Variants in VCAN observed in about 807,000 individuals in gnomAD.
VCAN encodes versican core protein.
Under a neutral mutation model 245.5 loss-of-function variants are expected in VCAN, and 44 were observed. The ratio of observed to expected loss-of-function variants is 0.18; its 90% confidence interval spans 0.14 to 0.23. VCAN has a LOEUF of 0.23. Among genes scored for constraint, VCAN ranks in the 10% least tolerant of loss-of-function variants. The pLI is 1.00. For synonymous variants in VCAN, 1,413 were observed against 1,437.0 expected (o/e 0.98, Z 0.38); for missense variants, 3,793 against 4,057.9 (o/e 0.93, Z 1.77).
In VCAN at chr5:83,538,755, G is replaced by T. The variant is rs2112443135; in HGVS notation, c.5752G>T (p.Gly1918Trp). The change falls in exon 8 of 15, where the codon GGG becomes TGG. Residue 1918 changes from glycine (G) to tryptophan (W), a missense_variant. Gly to Trp is a radical substitution (Grantham distance 184). Transcript: ENST00000265077. ...ISERLGEPNY[G>W]AEIRGFSTGF... The stretch of plus-strand genomic sequence containing the variant: ...AGAGCGATTAGGAGAACCAAATTAT[G>T]GGGCAGAAATAAGGGGCTTTTCCAC... The T allele has an allele frequency of 6.2e-7, 1 of 1,613,978 alleles. No individual in the cohort carries two copies. The highest frequency in any genetic ancestry group is 1.1e-5 in the South Asian group (1 of 91,082).
chr5:83,536,985 G>A lies in VCAN; in HGVS notation c.4004-22G>A, dbSNP rs1302952400. 20 of 1,557,758 alleles carry A rather than the reference G, an allele frequency of 1.3e-5. No individual in the cohort carries two copies. The Middle Eastern group carries it at 1.1e-3, about 86-fold the overall frequency. On this transcript the variant is annotated intron_variant, in intron 7 of 14. Coordinates refer to ENST00000265077, the MANE Select transcript of VCAN (RefSeq NM_004385.5). ...CTGCCAAATTTTCTATTTAAGTATT[G>A]TGAAAACTCTGTTTTTTTCAGGTCG...
intron 5 of VCAN, among the ~76,000 whole-genome samples, chr5:83,494,629 T>G (rs1329122522): frequency 1.3e-5 from 2 of 152,170 alleles, no homozygotes; most frequent in African/African-American, 4.8e-5. Context: ...GTACCGACAT[T>G]ATCTAAAGAG....
intron 3 of VCAN, 75 bp from the exon 4 acceptor site, chr5:83,493,471 G>A (rs752749367): frequency 1.1e-5 from 18 of 1,579,772 alleles, no homozygotes; most frequent in Non-Finnish European, 1.4e-5. Context: ...TTGATACATT[G>A]CTCCAATGAG....
At chr5:83,503,738 C>G (rs958443256) in intron 5 of VCAN, among the ~76,000 whole-genome samples, 4 of 152,172 alleles carry the variant, frequency 2.6e-5, no homozygotes, top group Admixed American at 1.3e-4. Flanking sequence ...AGAGAGCAGC[C>G]CATCTGCTGC....
chr5:83,494,937 G>A (rs978105520), intron 5 of VCAN, among the ~76,000 whole-genome samples: 3 of 152,054 alleles, frequency 2.0e-5, no homozygotes, highest in Admixed American at 6.6e-5. Context: ...AGGAGATTGC[G>A]CCACAGCACT....
At chr5:83,481,749 T>C (rs1466772191) in intron 1 of VCAN, among the ~76,000 whole-genome samples, 1 of 152,188 alleles carries the variant, frequency 6.6e-6, no homozygotes, top group Non-Finnish European at 1.5e-5. Context: ...TCTAGAATTA[T>C]AGAATTTAAA....
intron 13 of VCAN, among the ~76,000 whole-genome samples, chr5:83,577,539 C>A (rs1748528279): frequency 6.6e-6 from 1 of 152,124 alleles, no homozygotes; most frequent in South Asian, 2.1e-4. Flanking sequence ...TGTGTCTTCC[C>A]AGGTAGATCC....
intron 8 of VCAN, among the ~76,000 whole-genome samples, chr5:83,543,549 A>G (rs1472374990): frequency 6.6e-6 from 1 of 152,198 alleles, no homozygotes; most frequent in African/African-American, 2.4e-5. Context: ...TTTTGAGGAA[A>G]ATTGATCAAA....
At chr5:83,498,131 T>C (rs1745217086) in intron 5 of VCAN, among the ~76,000 whole-genome samples, 1 of 152,182 alleles carries the variant, frequency 6.6e-6, no homozygotes, top group African/African-American at 2.4e-5. Context: ...TCCAATTCTC[T>C]GTTTTTTTAC....
At chr5:83,486,039 C>T (rs1336388155) in intron 2 of VCAN, among the ~76,000 whole-genome samples, 2 of 152,042 alleles carry the variant, frequency 1.3e-5, no homozygotes, top group African/African-American at 2.4e-5. Context: ...AGGGCTGAGG[C>T]AGGAGAATTG....
chr5:83,561,350 A>T (rs1747859119), intron 12 of VCAN, among the ~76,000 whole-genome samples: 2 of 152,096 alleles, frequency 1.3e-5, no homozygotes, highest in African/African-American at 2.4e-5. Context: ...TCATCTTGCT[A>T]TGATAGTTGT....
At chr5:83,482,774 G>C (rs959190438) in intron 1 of VCAN, among the ~76,000 whole-genome samples, 1 of 152,190 alleles carries the variant, frequency 6.6e-6, no homozygotes, top group Non-Finnish European at 1.5e-5. Context: ...AAATGGCAAA[G>C]CCAGGGCAGT....
At chr5:83,536,895 G>C (rs1746732394) in intron 7 of VCAN, 112 bp from the exon 8 acceptor site, 1 of 885,908 alleles carries the variant, frequency 1.1e-6, no homozygotes, top group Non-Finnish European at 1.7e-6. Flanking sequence ...ATTATGAAAA[G>C]ATTTGAATCC....
chr5:83,547,838 A>T (rs111244062), intron 9 of VCAN, 133 bp from the exon 10 acceptor site: 4 of 742,298 alleles, frequency 5.4e-6, no homozygotes, highest in African/African-American at 3.5e-5. Flanking sequence ...TATGCTAACA[A>T]ATTATACTTT....
chr5:83,473,133 G>C lies in VCAN; in HGVS notation c.-7+1110G>C, dbSNP rs553900994. 7.9e-5 allele frequency among the ~76,000 whole-genome samples: 12 copies of C among 152,250 alleles called. No homozygotes were observed. In the East Asian group the frequency reaches 2.3e-3, roughly 30 times the overall value. On this transcript the variant is annotated intron_variant, in intron 1 of 14. Transcript: ENST00000265077. Reference sequence around the variant, plus strand: ...GCCGGGAGCCCCGGGGGACGTCCTCGGCTGGAGCGCCCCACCGTCCTGCAG... The same window carrying C: ...GCCGGGAGCCCCGGGGGACGTCCTCCGCTGGAGCGCCCCACCGTCCTGCAG...
intron 1 of VCAN, among the ~76,000 whole-genome samples, chr5:83,479,555 AGGTCTTTC>A (rs944099133): frequency 2.6e-5 from 4 of 152,116 alleles, no homozygotes; most frequent in Non-Finnish European, 5.9e-5. Flanking sequence ...CATATCTCTC[AGGTCTTTC>A]CATGCAGACA....
chr5:83,549,231 A>C (rs548197947), intron 10 of VCAN, among the ~76,000 whole-genome samples: 2 of 152,340 alleles, frequency 1.3e-5, no homozygotes, highest in East Asian at 3.9e-4. Flanking sequence ...ATGTGCATTT[A>C]CTGTCTTCCA....
chr5:83,491,071 TA>T (rs1473980846), intron 3 of VCAN, among the ~76,000 whole-genome samples: 1 of 152,226 alleles, frequency 6.6e-6, no homozygotes, highest in Admixed American at 6.5e-5. Context: ...AAATTTAGTA[TA>T]TTTTTTAAGA....
At position 83,540,037 on chromosome 5, in the gene VCAN, C is replaced by T. The variant is rs765414121; in HGVS notation, c.7034C>T (p.Thr2345Met). ...ILSDTGAEGP[T>M]VAPLPFSTDI... ...AGTGACACTGGAGCAGAAGGACCCA[C>T]GGTGGCACCTCTCCCTTTCTCCACG... Residue 2345 changes from threonine (T) to methionine (M), a missense_variant, in exon 8 of 15, where the codon ACG (threonine) becomes ATG (methionine). This residue lies in a region of VCAN where 3,182 missense variants were observed against 3,250.3 expected (regional missense o/e 0.98). Coordinates refer to ENST00000265077, the MANE Select transcript of VCAN (RefSeq NM_004385.5). 39 of 1,613,962 alleles carry T rather than the reference C, an allele frequency of 2.4e-5. No homozygotes were observed. Among genetic ancestry groups the T allele is most frequent in the East Asian group, 2.2e-4 (10 of 44,884 alleles).
Sources: allele counts gnomAD v4.1 joint callset (sites outside exome capture counted in the v4.1 genomes callset), GRCh38; gene constraint gnomAD v4.1.1; regional missense constraint gnomAD v4.1.1; transcripts MANE v1.5; gene names NCBI Gene and HGNC (gene_info 2026-07-23, HGNC 2026-07-21).